CSMD1: variants seen among roughly 807,000 people sequenced by gnomAD.
The protein encoded by CSMD1 is CUB and sushi domain-containing protein 1.
In CSMD1, 213 loss-of-function variants were observed where a neutral mutation model predicts 417.5. That is an observed-to-expected ratio of 0.51 (90% CI 0.46 to 0.57). The LOEUF (loss-of-function observed/expected upper bound fraction) is 0.57, where lower values mean the gene tolerates loss of function less well. Among genes scored for constraint, CSMD1 ranks in the 20% least tolerant of loss-of-function variants. CSMD1 has a pLI of 0.00. For missense variants in CSMD1, 6,923 were observed against 4,529.7 expected, an observed-to-expected ratio of 1.53 and a Z score of -15.17; for synonymous variants, 2,862 against 1,736.8, an observed-to-expected ratio of 1.65 and a Z score of -16.11.
intron 3 of CSMD1, among the ~76,000 whole-genome samples, chr8:4,169,669 G>C (rs768407569): frequency 3.3e-5 from 5 of 152,144 alleles, no homozygotes; most frequent in East Asian, 1.9e-4. Context: ...AACGCCGGAA[G>C]AGCACACTCC....
At position 3,985,889 on chromosome 8, in the gene CSMD1, G is replaced by A. The variant is rs530463467; in HGVS notation, c.818+12014C>T. ...AGATAATTTTTCTTCCCAATTCATCGTGCACTCTTACTTTGAACATTTCAA... is the reference window on the plus strand; with the variant it reads ...AGATAATTTTTCTTCCCAATTCATCATGCACTCTTACTTTGAACATTTCAA... On this transcript the variant is annotated intron_variant, in intron 5 of 69. Transcript: ENST00000635120. Among the ~76,000 whole-genome samples, 10 of 151,468 alleles carry A rather than the reference G, an allele frequency of 6.6e-5. No individual in the cohort carries two copies. In the East Asian group the frequency reaches 1.4e-3, roughly 21 times the overall value.
At chr8:3,837,397 T>G (rs903625634) in intron 5 of CSMD1, among the ~76,000 whole-genome samples, 1 of 152,146 alleles carries the variant, frequency 6.6e-6, no homozygotes, top group Non-Finnish European at 1.5e-5. Context: ...TGAAGTAGCA[T>G]GCACTTTGAT....
chr8:3,252,987 A>G (rs952217839), intron 26 of CSMD1, among the ~76,000 whole-genome samples: 3 of 151,958 alleles, frequency 2.0e-5, no homozygotes, highest in African/African-American at 7.3e-5. Context: ...CAGTCTATCA[A>G]TTTTGTTGAT....
Position 4,456,985 on chromosome 8 carries a change from T to TA in CSMD1, c.303-36921dup, listed in dbSNP as rs1554485114. On this transcript the variant is annotated intron_variant, in intron 2 of 69. Transcript: ENST00000635120. ...GATTTTGATGAGTGTGGTTTTTTTT[T>TA]AAAAAAAAAAAAAACAACAAGAAAA... Among the ~76,000 whole-genome samples the TA allele has an allele frequency of 9.2e-3, 1,280 of 138,786 alleles. 20 individuals are homozygous for TA. Among genetic ancestry groups the TA allele is most frequent in the African/African-American group, 0.021 (777 of 37,278 alleles). The allele number at this position is 138,786 out of a possible 152,430, so 91.0% of individuals were successfully genotyped here. A position where few individuals can be genotyped will look rare whatever the true frequency, so the allele number is the denominator to read the frequency against.
intron 2 of CSMD1, among the ~76,000 whole-genome samples, chr8:4,558,967 C>G (rs1798212515): frequency 6.6e-6 from 1 of 152,114 alleles, no homozygotes; most frequent in Non-Finnish European, 1.5e-5. Flanking sequence ...GATACTTTCC[C>G]TGACTGAACT....
chr8:4,417,115 A>G (rs1184698367), intron 3 of CSMD1, among the ~76,000 whole-genome samples: 2 of 152,080 alleles, frequency 1.3e-5, no homozygotes, highest in African/African-American at 2.4e-5. Context: ...GTTAATTTGA[A>G]TATATACACT....
intron 1 of CSMD1, among the ~76,000 whole-genome samples, chr8:4,915,511 A>G (rs1805995030): frequency 1.3e-5 from 2 of 152,162 alleles, no homozygotes; most frequent in Non-Finnish European, 2.9e-5. Flanking sequence ...GTTTCCATAC[A>G]AAAAGCAGGC....
chr8:4,124,092 A>G (rs1043123303), intron 3 of CSMD1, among the ~76,000 whole-genome samples: 13 of 152,190 alleles, frequency 8.5e-5, no homozygotes, highest in Non-Finnish European at 1.3e-4. Context: ...ACAACGAAGA[A>G]AAAAAAGAGA....
intron 2 of CSMD1, among the ~76,000 whole-genome samples, chr8:4,560,604 A>C (rs1798287748): frequency 6.6e-6 from 1 of 152,172 alleles, no homozygotes; most frequent in South Asian, 2.1e-4. Context: ...GCCTCCCTGA[A>C]AGCCTTCTCC....
At chr8:4,568,511 A>T (rs1798727403) in intron 2 of CSMD1, among the ~76,000 whole-genome samples, 1 of 152,056 alleles carries the variant, frequency 6.6e-6, no homozygotes, top group Admixed American at 6.6e-5. Flanking sequence ...TTCTTTATCC[A>T]GTCTATCATT....
At chr8:3,274,728 T>G (rs1802143004) in intron 26 of CSMD1, among the ~76,000 whole-genome samples, 1 of 152,180 alleles carries the variant, frequency 6.6e-6, no homozygotes, top group Non-Finnish European at 1.5e-5. Context: ...AAAGTCTGTT[T>G]TATGAGAGAC....
intron 26 of CSMD1, among the ~76,000 whole-genome samples, chr8:3,276,937 T>C (rs1051998859): frequency 2.0e-5 from 3 of 152,142 alleles, no homozygotes; most frequent in Non-Finnish European, 4.4e-5. Flanking sequence ...TAACCCACAA[T>C]GGGCTAAGCA....
chr8:3,327,334 C>A (rs955381295), intron 23 of CSMD1, among the ~76,000 whole-genome samples: 1 of 152,042 alleles, frequency 6.6e-6, no homozygotes, highest in Non-Finnish European at 1.5e-5. Context: ...GGGGTTTCAC[C>A]ATGTTAACCA....
chr8:3,167,002 C>G (rs1440007434), intron 37 of CSMD1, among the ~76,000 whole-genome samples: 2 of 152,090 alleles, frequency 1.3e-5, no homozygotes, highest in South Asian at 2.1e-4. Flanking sequence ...AGGTGGTTCA[C>G]AGGGCGGGGC....
chr8:3,651,094 G>A (rs1479246087), intron 7 of CSMD1, among the ~76,000 whole-genome samples: 1 of 152,092 alleles, frequency 6.6e-6, no homozygotes, highest in African/African-American at 2.4e-5. Flanking sequence ...GCATACAATG[G>A]CCGTTTATCA....
intron 3 of CSMD1, among the ~76,000 whole-genome samples, chr8:4,380,098 A>C (rs1803005258): frequency 6.6e-6 from 1 of 152,200 alleles, no homozygotes; most frequent in Non-Finnish European, 1.5e-5. Context: ...TAAATGGGAG[A>C]AAAATAAAAC....
At chr8:4,003,605 T>C (rs932573568) in intron 4 of CSMD1, among the ~76,000 whole-genome samples, 1 of 152,152 alleles carries the variant, frequency 6.6e-6, no homozygotes, top group Admixed American at 6.5e-5. Context: ...AACACTGAAA[T>C]GCCTTCTAAT....
intron 5 of CSMD1, among the ~76,000 whole-genome samples, chr8:3,956,302 T>G (rs761210219): frequency 6.6e-6 from 1 of 152,210 alleles, no homozygotes; most frequent in African/African-American, 2.4e-5. Flanking sequence ...AAAACTGTTA[T>G]TATCCCCATC....
At chr8:4,078,755 G>A (rs895860435) in intron 3 of CSMD1, among the ~76,000 whole-genome samples, 1 of 150,192 alleles carries the variant, frequency 6.7e-6, no homozygotes, top group Non-Finnish European at 1.5e-5. Flanking sequence ...TAAATTTCAG[G>A]CCTGGCACAC....
Sources: gnomAD v4.1 joint callset for allele counts (sites outside exome capture counted in the v4.1 genomes callset) on GRCh38, gnomAD v4.1.1 for gene constraint, MANE v1.5 for transcripts, NCBI Gene and HGNC (gene_info 2026-07-23, HGNC 2026-07-21) for gene names.